FSIP1: variants seen among roughly 807,000 people sequenced by gnomAD.
The protein encoded by FSIP1 is fibrous sheath interacting protein 1, also known as fibrous sheath-interacting protein 1.
A neutral mutation model predicts 60.9 loss-of-function variants in FSIP1; 65 were observed. The observed-to-expected ratio is 1.07, with a 90% CI of 0.87 to 1.31. The LOEUF is 1.31. FSIP1 is among the 40% of genes most tolerant of loss of function. FSIP1 has a pLI of 0.00. For synonymous variants in FSIP1, 209 were observed against 221.2 expected (o/e 0.94, Z 0.49); for missense variants, 675 against 665.5 (o/e 1.01, Z -0.16).
At chr15:39,623,537 A>T (rs1891522632) in intron 10 of FSIP1, among the ~76,000 whole-genome samples, 1 of 152,194 alleles carries the variant, frequency 6.6e-6, no homozygotes, top group African/African-American at 2.4e-5. Flanking sequence ...CAACTAAAAA[A>T]CATTCCACCG....
chr15:39,715,422 C>G (rs1408627569), intron 9 of FSIP1, among the ~76,000 whole-genome samples: 2 of 152,136 alleles, frequency 1.3e-5, no homozygotes, highest in Non-Finnish European at 2.9e-5. Flanking sequence ...TGACCCTATT[C>G]TCTGCATCCC....
At chr15:39,627,201 C>T (rs1891678052) in intron 10 of FSIP1, among the ~76,000 whole-genome samples, 2 of 152,294 alleles carry the variant, frequency 1.3e-5, no homozygotes, top group Admixed American at 6.5e-5. Flanking sequence ...GACCTGTGCA[C>T]TTGCCTGCTG....
At position 39,641,612 on chromosome 15, in the gene FSIP1, G is replaced by T. The variant is rs111233120; in HGVS notation, c.1189-23367C>A. Among the ~76,000 whole-genome samples the T allele has an allele frequency of 9.4e-3, 1,429 of 152,320 alleles. 21 individuals carry two copies. The highest frequency in any genetic ancestry group is 0.033 in the African/African-American group (1,358 of 41,556). ...CGACTTGATGTTCTGACTTTCCAGT[G>T]AAAGTCGTTTTCCTGGTTTACCTGA... is the stretch of plus-strand genomic sequence containing the variant. On this transcript the variant is annotated intron_variant, in intron 10 of 11. Coordinates refer to ENST00000350221, the MANE Select transcript of FSIP1 (RefSeq NM_152597.5).
At chr15:39,629,556 G>A (rs1001802952) in intron 10 of FSIP1, among the ~76,000 whole-genome samples, 1 of 152,138 alleles carries the variant, frequency 6.6e-6, no homozygotes, top group Admixed American at 6.5e-5. Context: ...CTGCCCCTCA[G>A]CCCTCTCTGC....
intron 5 of FSIP1, among the ~76,000 whole-genome samples, chr15:39,751,272 G>A (rs1287042448): frequency 6.6e-6 from 1 of 151,730 alleles, no homozygotes; most frequent in Admixed American, 6.6e-5. Context: ...CCTCTTCTGG[G>A]TATAAACGCA....
intron 10 of FSIP1, among the ~76,000 whole-genome samples, chr15:39,621,557 T>C (rs775535529): frequency 1.2e-4 from 19 of 152,246 alleles, no homozygotes; most frequent in South Asian, 4.1e-4. Context: ...AGATAATCTC[T>C]ACATTAAATT....
intron 8 of FSIP1, among the ~76,000 whole-genome samples, chr15:39,737,001 G>A (rs770993784): frequency 2.6e-5 from 4 of 152,134 alleles, no homozygotes; most frequent in Non-Finnish European, 5.9e-5. Context: ...ACAGGGCTGG[G>A]GCGTGGATGC....
At chr15:39,760,318 G>A (rs1897451230) in intron 5 of FSIP1, among the ~76,000 whole-genome samples, 1 of 151,986 alleles carries the variant, frequency 6.6e-6, no homozygotes, top group Non-Finnish European at 1.5e-5. Flanking sequence ...AGAAGAAACA[G>A]GATATTTGCA....
intron 10 of FSIP1, among the ~76,000 whole-genome samples, chr15:39,638,586 A>T (rs935595926): frequency 2.0e-5 from 3 of 152,220 alleles, no homozygotes; most frequent in Non-Finnish European, 4.4e-5. Flanking sequence ...TTATATAAGT[A>T]TTTTAATTTA....
At chr15:39,754,720 G>A (rs777347608) in intron 5 of FSIP1, among the ~76,000 whole-genome samples, 7 of 151,712 alleles carry the variant, frequency 4.6e-5, no homozygotes, top group Non-Finnish European at 1.0e-4. Context: ...TATAAAAGAA[G>A]GAATAAGTTT....
intron 10 of FSIP1, among the ~76,000 whole-genome samples, chr15:39,672,240 A>T (rs922471727): frequency 3.9e-5 from 6 of 152,222 alleles, no homozygotes; most frequent in Non-Finnish European, 8.8e-5. Flanking sequence ...TTCGGTGAGA[A>T]TCCAGCAAGA....
At chr15:39,761,218 T>C (rs1274440229) in intron 5 of FSIP1, among the ~76,000 whole-genome samples, 1 of 152,174 alleles carries the variant, frequency 6.6e-6, no homozygotes, top group Non-Finnish European at 1.5e-5. Flanking sequence ...ATCCCACCTC[T>C]GGGCATTTAC....
intron 10 of FSIP1, among the ~76,000 whole-genome samples, chr15:39,668,702 G>C (rs1361121711): frequency 6.6e-6 from 1 of 152,164 alleles, no homozygotes; most frequent in Non-Finnish European, 1.5e-5. Flanking sequence ...CATGAACTGG[G>C]AGATCAGGTC....
chr15:39,735,322 C>A (rs1456508021), intron 8 of FSIP1, among the ~76,000 whole-genome samples: 1 of 152,206 alleles, frequency 6.6e-6, no homozygotes. Flanking sequence ...AAGCCTATTG[C>A]TCCTAGGCTA....
intron 3 of FSIP1, among the ~76,000 whole-genome samples, chr15:39,769,425 A>T (rs1387772031): frequency 6.6e-6 from 1 of 152,238 alleles, no homozygotes; most frequent in Non-Finnish European, 1.5e-5. Flanking sequence ...CCTCGAAGTA[A>T]CATGTTTATT....
intron 10 of FSIP1, among the ~76,000 whole-genome samples, chr15:39,638,894 A>G (rs1892245671): frequency 1.3e-5 from 2 of 152,074 alleles, no homozygotes; most frequent in Non-Finnish European, 2.9e-5. Flanking sequence ...CTCCATTTCA[A>G]TAGAAACTTT....
intron 8 of FSIP1, among the ~76,000 whole-genome samples, chr15:39,727,460 A>C (rs933237438): frequency 6.6e-6 from 1 of 152,250 alleles, no homozygotes; most frequent in African/African-American, 2.4e-5. Context: ...TGGAGAAAAC[A>C]AGACCTTAAT....
chr15:39,621,370 G>A (rs190006337), intron 10 of FSIP1, among the ~76,000 whole-genome samples: 38 of 152,294 alleles, frequency 2.5e-4, no homozygotes, highest in African/African-American at 9.1e-4. Flanking sequence ...CAGCTTGTGT[G>A]TACACAGAAA....
At chr15:39,774,485 A>AG (rs1380499072) in intron 2 of FSIP1, among the ~76,000 whole-genome samples, 2 of 152,224 alleles carry the variant, frequency 1.3e-5, no homozygotes, top group East Asian at 3.9e-4. Flanking sequence ...AAAAAAAAAA[A>AG]AAAATACATA....
Sources: gnomAD v4.1 joint callset for allele counts (sites outside exome capture counted in the v4.1 genomes callset) on GRCh38, gnomAD v4.1.1 for gene constraint, MANE v1.5 for transcripts, NCBI Gene and HGNC (gene_info 2026-07-23, HGNC 2026-07-21) for gene names.